LRP1B: variants seen among roughly 807,000 people sequenced by gnomAD.
LRP1B encodes low-density lipoprotein receptor-related protein 1B.
A neutral mutation model predicts 556.6 loss-of-function variants in LRP1B; 217 were observed. The ratio of observed to expected loss-of-function variants is 0.39; its 90% CI spans 0.35 to 0.44. The LOEUF is 0.44. Among genes scored for constraint, LRP1B ranks in the 20% least tolerant of loss-of-function variants. The pLI is 1.00. For missense variants in LRP1B, 5,053 were observed against 5,620.8 expected (o/e 0.90, Z 3.23); for synonymous variants, 2,047 against 1,865.8 (o/e 1.10, Z -2.50).
intron 2 of LRP1B, among the ~76,000 whole-genome samples, chr2:141,739,463 AAGAC>A (rs1236950414): frequency 1.3e-5 from 2 of 152,124 alleles, no homozygotes; most frequent in Admixed American, 6.6e-5. Flanking sequence ...TTTGTAAAAA[AAGAC>A]AGTGTCGTGC....
intron 11 of LRP1B, among the ~76,000 whole-genome samples, chr2:141,047,222 C>G (rs1310232561): frequency 6.6e-6 from 1 of 151,934 alleles, no homozygotes; most frequent in Non-Finnish European, 1.5e-5. Flanking sequence ...AGGCAGACAG[C>G]CTCTGTCACA....
chr2:141,144,499 A>G (rs1466813541), intron 7 of LRP1B, among the ~76,000 whole-genome samples: 4 of 152,146 alleles, frequency 2.6e-5, no homozygotes. Context: ...AATACCTTTT[A>G]TTATCAGGAA....
chr2:141,370,648 T>C (rs1378960019), intron 3 of LRP1B, among the ~76,000 whole-genome samples: 1 of 152,154 alleles, frequency 6.6e-6, no homozygotes, highest in Non-Finnish European at 1.5e-5. Flanking sequence ...AGCTTTTTTG[T>C]TTAAATCCCA....
At chr2:141,753,836 T>G (rs1449824364) in intron 2 of LRP1B, among the ~76,000 whole-genome samples, 1 of 152,186 alleles carries the variant, frequency 6.6e-6, no homozygotes, top group Non-Finnish European at 1.5e-5. Context: ...TAAATATTTT[T>G]TACTCACTTT....
intron 5 of LRP1B, among the ~76,000 whole-genome samples, chr2:141,235,505 CT>C (rs1387818585): frequency 6.6e-6 from 1 of 152,022 alleles, no homozygotes; most frequent in Non-Finnish European, 1.5e-5. Flanking sequence ...CGGTCTCAGC[CT>C]TGCCTTAATG....
chr2:140,509,058 C>T (rs1006818320), intron 52 of LRP1B, among the ~76,000 whole-genome samples: 4 of 128,456 alleles, frequency 3.1e-5, no homozygotes, highest in African/African-American at 1.2e-4. Flanking sequence ...ACGTACATAC[C>T]CCTGCACACA....
In LRP1B at chr2:141,011,585, A is replaced by G. The variant is rs1335917260; in HGVS notation, c.2380+1971T>C. Among the ~76,000 whole-genome samples the G allele has an allele frequency of 3.9e-5, 6 of 152,056 alleles. No individual in the cohort carries two copies. The East Asian group carries it at 1.2e-3, about 29-fold the overall frequency. ...GAAGAAGTGGTAGAAAACACAAATC[A>G]ATTTATTAATTCACCTAAGTTAATA... On this transcript the variant is annotated intron_variant, in intron 14 of 90. Transcript: ENST00000389484.
intron 1 of LRP1B, among the ~76,000 whole-genome samples, chr2:141,920,568 G>T (rs1700159641): frequency 6.6e-6 from 1 of 151,938 alleles, no homozygotes; most frequent in African/African-American, 2.4e-5. Flanking sequence ...GCTATTGATG[G>T]TATCAACTGA....
intron 2 of LRP1B, among the ~76,000 whole-genome samples, chr2:141,685,687 G>T (rs1691269054): frequency 6.6e-6 from 1 of 152,064 alleles, no homozygotes; most frequent in Admixed American, 6.6e-5. Flanking sequence ...TGTGATGACA[G>T]AAGGAGAGAT....
chr2:141,759,278 A>G (rs1384891095), intron 2 of LRP1B, among the ~76,000 whole-genome samples: 1 of 152,198 alleles, frequency 6.6e-6, no homozygotes, highest in Non-Finnish European at 1.5e-5. Flanking sequence ...TCATTTGCAG[A>G]ATGATAGAAC....
At position 141,888,873 on chromosome 2, in the gene LRP1B, T is replaced by C. The variant is rs72849402; in HGVS notation, c.83-78472A>G. 7.6e-4 allele frequency among the ~76,000 whole-genome samples: 115 copies of C among 152,284 alleles called. 2 individuals are homozygous for C. Among genetic ancestry groups the C allele is most frequent in the Non-Finnish European group, 1.4e-3 (97 of 68,026 alleles). On this transcript the variant is annotated intron_variant, in intron 1 of 90. Transcript: ENST00000389484. The stretch of plus-strand genomic sequence containing the variant: ...ACCCTTCAATTCCACTTTCGTATAT[T>C]GTATACATGCAGAGCTATTGACGGC...
chr2:142,046,692 A>G (rs2105224488), intron 1 of LRP1B, among the ~76,000 whole-genome samples: 1 of 152,092 alleles, frequency 6.6e-6, no homozygotes, highest in Admixed American at 6.6e-5. Context: ...ATAATATAGT[A>G]TCTTTTTGTC....
chr2:140,982,398 T>C, intron 17 of LRP1B, 122 bp from the exon 18 acceptor site: 2 of 615,620 alleles, frequency 3.2e-6, no homozygotes, highest in Non-Finnish European at 5.5e-6. Context: ...TAAAATAAAA[T>C]ATTTTAAAAG....
chr2:141,965,601 A>T (rs1441919220), intron 1 of LRP1B, among the ~76,000 whole-genome samples: 34 of 79,472 alleles, frequency 4.3e-4, no homozygotes, highest in African/African-American at 1.5e-3. Flanking sequence ...TGTGGTGGGG[A>T]GGGGGGAGGG....
intron 1 of LRP1B, among the ~76,000 whole-genome samples, chr2:142,097,635 T>C (rs1056102613): frequency 1.3e-4 from 20 of 151,646 alleles, no homozygotes; most frequent in Non-Finnish European, 5.9e-5. Flanking sequence ...GACAGCAAAA[T>C]GATTTAATGT....
At chr2:141,164,483 G>A (rs1263414493) in intron 7 of LRP1B, among the ~76,000 whole-genome samples, 1 of 152,006 alleles carries the variant, frequency 6.6e-6, no homozygotes, top group East Asian at 1.9e-4. Flanking sequence ...ACTTCATAAG[G>A]AGAATAAATG....
intron 41 of LRP1B, among the ~76,000 whole-genome samples, chr2:140,670,426 C>A (rs1211817341): frequency 6.6e-6 from 1 of 152,104 alleles, no homozygotes; most frequent in Non-Finnish European, 1.5e-5. Context: ...AGTCCACTTC[C>A]CAAACCTAAT....
chr2:141,285,190 C>T (rs1304179960), intron 3 of LRP1B, among the ~76,000 whole-genome samples: 2 of 151,544 alleles, frequency 1.3e-5, no homozygotes, highest in African/African-American at 2.4e-5. Flanking sequence ...CTCCGCCTCC[C>T]AGGTTCAAGC....
At chr2:140,867,919 A>T (rs1026937551) in intron 26 of LRP1B, 85 bp from the exon 27 acceptor site, 1 of 1,389,440 alleles carries the variant, frequency 7.2e-7, no homozygotes, top group South Asian at 1.6e-5. Flanking sequence ...GCTAAATGAC[A>T]AAAAAGGTAT....
Sources: allele counts gnomAD v4.1 joint callset (sites outside exome capture counted in the v4.1 genomes callset), GRCh38; gene constraint gnomAD v4.1.1; transcripts MANE v1.5; gene names NCBI Gene and HGNC (gene_info 2026-07-23, HGNC 2026-07-21).